Variants in RIMBP2 observed in about 807,000 individuals in gnomAD.
RIMBP2 encodes the protein RIMS-binding protein 2.
Under a neutral mutation model 118.6 loss-of-function variants are expected in RIMBP2, and 48 were observed. The observed-to-expected ratio is 0.40, with a 90% CI of 0.32 to 0.51. The LOEUF is 0.51. Among genes scored for constraint, RIMBP2 ranks in the 20% least tolerant of loss-of-function variants. The probability of loss-of-function intolerance (pLI) is 0.41; values close to 1 mark genes in which losing one functional copy is unlikely to be tolerated. For synonymous variants in RIMBP2, 762 were observed against 742.9 expected (o/e 1.03, Z -0.42); for missense variants, 1,551 against 1,768.3 (o/e 0.88, Z 2.20).
At position 130,409,381 on chromosome 12, in the gene RIMBP2, C is replaced by T. The variant is rs981325210; in HGVS notation, c.3590-1552G>A. ...TTTTTGAGATGGACTCTCGCTCTGT[C>T]GCCCAGGCTGGAGTGCAGTGGCGCG... On this transcript the variant is annotated intron_variant, in intron 19 of 22. Coordinates refer to ENST00000690449, the MANE Select transcript of RIMBP2 (RefSeq NM_001393629.1). Among the ~76,000 whole-genome samples the T allele has an allele frequency of 2.6e-5, 3 of 116,608 alleles. No homozygotes were observed. The East Asian group carries it at 8.6e-4, about 34-fold the overall frequency. 76.5% of individuals were successfully genotyped at this position (116,608 alleles called of 152,430 possible).
chr12:130,649,329 T>C lies in RIMBP2; in HGVS notation c.-351-20873A>G, dbSNP rs564458066. On this transcript the variant is annotated intron_variant, in intron 1 of 22. Transcript: ENST00000690449. Reference sequence around the variant, plus strand: ...CCCGGCCGGAGGCCGCTCCGCTCCATGCAGTGACTTAGAGACCCAGGCCCC... The same window carrying C: ...CCCGGCCGGAGGCCGCTCCGCTCCACGCAGTGACTTAGAGACCCAGGCCCC... Among the ~76,000 whole-genome samples, 511 of 152,316 alleles carry C rather than the reference T, an allele frequency of 3.4e-3. 17 individuals carry two copies. The highest frequency in any genetic ancestry group is 0.011 in the African/African-American group (477 of 41,580).
chr12:130,539,076 G>A (rs2054330213), intron 2 of RIMBP2, among the ~76,000 whole-genome samples: 1 of 152,098 alleles, frequency 6.6e-6, no homozygotes, highest in Non-Finnish European at 1.5e-5. Context: ...CATCCAGCTT[G>A]CCCCTTTTAA....
intron 2 of RIMBP2, among the ~76,000 whole-genome samples, chr12:130,612,585 A>T (rs909824398): frequency 1.3e-5 from 2 of 152,212 alleles, no homozygotes; most frequent in African/African-American, 4.8e-5. Flanking sequence ...GGTGTTTTTT[A>T]AAATAATTAA....
intron 2 of RIMBP2, among the ~76,000 whole-genome samples, chr12:130,552,761 G>A (rs570230503): frequency 6.6e-6 from 1 of 152,278 alleles, no homozygotes; most frequent in East Asian, 1.9e-4. Context: ...GTGAGATTGT[G>A]TACATCCCAG....
chr12:130,413,253 A>G (rs2075858236), intron 18 of RIMBP2, among the ~76,000 whole-genome samples: 1 of 152,154 alleles, frequency 6.6e-6, no homozygotes, highest in South Asian at 2.1e-4. Flanking sequence ...TGAAACTGCA[A>G]ACAGGGTTCA....
intron 6 of RIMBP2, among the ~76,000 whole-genome samples, chr12:130,467,063 T>C (rs1030087309): frequency 6.6e-6 from 1 of 152,252 alleles, no homozygotes; most frequent in Admixed American, 6.5e-5. Flanking sequence ...TCCATCGTGC[T>C]TCTAACCTCC....
chr12:130,648,658 C>CT (rs575247641), intron 1 of RIMBP2, among the ~76,000 whole-genome samples: 1,803 of 132,502 alleles, frequency 0.014, 110 homozygotes, highest in Middle Eastern at 0.032. Flanking sequence ...AAATTAGTAT[C>CT]TTTTTTTTTT....
chr12:130,436,809 G>GAGGAGCCACCGAGGC, intron 13 of RIMBP2, 33 bp downstream of exon 13: 1 of 1,370,758 alleles, frequency 7.3e-7, no homozygotes, highest in Admixed American at 3.4e-5. Context: ...TTTGGGGACT[G>GAGGAGCCACCGAGGC]AGGAGCCACC....
chr12:130,399,682 T>C lies in RIMBP2; in HGVS notation c.3897A>G (p.Lys1299=). The change falls in exon 22 of 23, where the codon AAA becomes AAG. Residue 1299 remains lysine (K), a synonymous_variant. Transcript: ENST00000690449. Reference sequence around the variant, plus strand: ...AAGGCTAAATAGGTTTGCTTACCCTTTTTGCCTTTGAGCGCATTGGCGTAT... The same window carrying C: ...AAGGCTAAATAGGTTTGCTTACCCTCTTTGCCTTTGAGCGCATTGGCGTAT... The part of the protein sequence containing the change: ...SQDTPMRSKA[K]RVPPEGSGTA... The C allele has an allele frequency of 6.2e-7, 1 of 1,614,162 alleles. No individual in the cohort carries two copies. The highest frequency in any genetic ancestry group is 8.5e-7 in the Non-Finnish European group (1 of 1,180,018).
intron 6 of RIMBP2, among the ~76,000 whole-genome samples, chr12:130,468,271 C>A (rs1204137673): frequency 2.0e-5 from 3 of 152,214 alleles, no homozygotes; most frequent in Non-Finnish European, 4.4e-5. Flanking sequence ...CAGGAGCTGG[C>A]CTCACAGGCT....
At chr12:130,709,930 G>A (rs900403960) in intron 1 of RIMBP2, among the ~76,000 whole-genome samples, 2 of 152,204 alleles carry the variant, frequency 1.3e-5, no homozygotes, top group Non-Finnish European at 2.9e-5. Flanking sequence ...GAAGGAGCGC[G>A]GTAAGAGGCA....
At chr12:130,448,521 G>C (rs1486758947) in intron 9 of RIMBP2, among the ~76,000 whole-genome samples, 1 of 152,270 alleles carries the variant, frequency 6.6e-6, no homozygotes, top group Non-Finnish European at 1.5e-5. Flanking sequence ...CACCAGCCCA[G>C]CGCTGCCCCT....
At chr12:130,436,074 C>T (rs890499951) in intron 13 of RIMBP2, among the ~76,000 whole-genome samples, 1 of 152,246 alleles carries the variant, frequency 6.6e-6, no homozygotes, top group African/African-American at 2.4e-5. Context: ...GGGCTCAACA[C>T]AACAGGAGAG....
intron 2 of RIMBP2, among the ~76,000 whole-genome samples, chr12:130,530,693 T>C (rs2053278725): frequency 6.6e-6 from 1 of 152,196 alleles, no homozygotes; most frequent in Non-Finnish European, 1.5e-5. Context: ...TGAAAAATAT[T>C]TGATTGCCTT....
chr12:130,414,336 C>T (rs370813712), intron 17 of RIMBP2, 30 bp from the exon 18 acceptor site: 17 of 1,544,472 alleles, frequency 1.1e-5, no homozygotes, highest in Middle Eastern at 1.7e-4. Context: ...AAGAACAGAG[C>T]GGCAGTGAGC....
intron 2 of RIMBP2, among the ~76,000 whole-genome samples, chr12:130,544,660 C>T (rs751315134): frequency 2.5e-5 from 3 of 122,136 alleles, no homozygotes; most frequent in African/African-American, 6.3e-5. Context: ...AGTGCAGTGG[C>T]GTGATTTCAG....
At chr12:130,515,589 T>G (rs2051366189) in intron 3 of RIMBP2, among the ~76,000 whole-genome samples, 1 of 152,250 alleles carries the variant, frequency 6.6e-6, no homozygotes, top group Non-Finnish European at 1.5e-5. Flanking sequence ...TGGACACATA[T>G]GTCACATGTT....
At position 130,447,071 on chromosome 12, in the gene RIMBP2, CGGAGGAGGA is replaced by C. The variant is rs141080486; in HGVS notation, c.582-1811_582-1803del. On this transcript the variant is annotated intron_variant, in intron 9 of 22. Transcript: ENST00000690449. The surrounding 1 kb of genome is among the most constrained non-coding windows in gnomAD (Gnocchi z 4.4). ...GACACAGAAGCTGGCAGAGTGTTCT[CGGAGGAGGA>C]GGAGGAGGAGGAGGGAGCGAGAGGA... Among the ~76,000 whole-genome samples the C allele has an allele frequency of 6.7e-6, 1 of 149,700 alleles. No homozygotes were observed. The highest frequency in any genetic ancestry group is 1.5e-5 in the Non-Finnish European group (1 of 67,612).
chr12:130,521,029 G>A lies in RIMBP2; in HGVS notation c.-216-3112C>T, dbSNP rs187110784. Among the ~76,000 whole-genome samples, 373 of 152,334 alleles carry A rather than the reference G, an allele frequency of 2.4e-3. 1 individual carries two copies. Among genetic ancestry groups the A allele is most frequent in the African/African-American group, 8.3e-3 (346 of 41,580 alleles). On this transcript the variant is annotated intron_variant, in intron 2 of 22. Transcript: ENST00000690449. ...GTCCCCACTGTCCCCTGCAGTGGCA[G>A]GCATGGATACCACCCTGACATGCAT...
Sources: allele counts gnomAD v4.1 joint callset (sites outside exome capture counted in the v4.1 genomes callset), GRCh38; gene constraint gnomAD v4.1.1; non-coding constraint Gnocchi (gnomAD v3.1); transcripts MANE v1.5; gene names NCBI Gene and HGNC (gene_info 2026-07-23, HGNC 2026-07-21).